The following POLN variants were observed in gnomAD, a reference collection of about 807,000 sequenced individuals.
The protein encoded by POLN is DNA polymerase nu, also known as DNA polymerase N.
Under a neutral mutation model 113.5 loss-of-function variants are expected in POLN, and 108 were observed. The ratio of observed to expected loss-of-function variants is 0.95; its 90% CI spans 0.81 to 1.12. POLN has a LOEUF of 1.12. Ranked by LOEUF, POLN falls within the 50% of genes most tolerant of loss-of-function variation. The probability of loss-of-function intolerance (pLI) is 0.00; values close to 1 mark genes in which losing one functional copy is unlikely to be tolerated. For missense variants in POLN, 1,097 were observed against 1,077.1 expected, an observed-to-expected ratio of 1.02 and a Z score of -0.26; for synonymous variants, 386 against 391.5, an observed-to-expected ratio of 0.99 and a Z score of 0.17.
intron 2 of POLN, among the ~76,000 whole-genome samples, chr4:2,239,356 T>C (rs1188088994): frequency 6.6e-6 from 1 of 152,194 alleles, no homozygotes; most frequent in Non-Finnish European, 1.5e-5. Context: ...AAGTATATGT[T>C]ACTAGTTTTT....
At chr4:2,098,561 C>T (rs147687909) in intron 19 of POLN, among the ~76,000 whole-genome samples, 305 of 152,234 alleles carry the variant, frequency 2.0e-3, no homozygotes, top group Middle Eastern at 6.8e-3. Context: ...CTAGAATGAT[C>T]CATGGGTAAT....
At chr4:2,160,562 C>A (rs1302251177) in intron 13 of POLN, among the ~76,000 whole-genome samples, 1 of 152,074 alleles carries the variant, frequency 6.6e-6, no homozygotes, top group Non-Finnish European at 1.5e-5. Context: ...TGCACACAAC[C>A]ATGTCTGGCT....
chr4:2,177,282 C>T, intron 8 of POLN: 3 of 482,944 alleles, frequency 6.2e-6, no homozygotes, highest in Admixed American at 2.1e-5. Context: ...TGGCTCCCCA[C>T]AGCCATGCCT....
At chr4:2,176,113 A>G (rs2108749442) in intron 9 of POLN, among the ~76,000 whole-genome samples, 153 bp downstream of exon 9, 1 of 152,316 alleles carries the variant, frequency 6.6e-6, no homozygotes, top group South Asian at 2.1e-4. Context: ...ATCATTCTAG[A>G]CAACCCTTTT....
At chr4:2,117,781 T>G (rs1731352799) in intron 19 of POLN, among the ~76,000 whole-genome samples, 1 of 152,216 alleles carries the variant, frequency 6.6e-6, no homozygotes, top group South Asian at 2.1e-4. Flanking sequence ...CCTAGTCCAT[T>G]GTTCTCCATG....
chr4:2,081,224 T>C (rs1211571665), intron 22 of POLN, 188 bp from the exon 23 acceptor site: 3 of 1,535,692 alleles, frequency 2.0e-6, no homozygotes, highest in Non-Finnish European at 2.6e-6. Flanking sequence ...GCCCTCTTGC[T>C]CCTGCAGGGC....
chr4:2,108,143 C>T (rs1040738353), intron 19 of POLN, among the ~76,000 whole-genome samples: 11 of 152,260 alleles, frequency 7.2e-5, no homozygotes, highest in East Asian at 1.9e-4. Flanking sequence ...CTTCTCTTTC[C>T]GGCCAGGGCT....
At chr4:2,147,639 T>TTTTC (rs869212936) in intron 16 of POLN, among the ~76,000 whole-genome samples, 1 of 116,440 alleles carries the variant, frequency 8.6e-6, no homozygotes, top group African/African-American at 3.1e-5. Context: ...CCAGTTTTTC[T>TTTTC]TTTCTTTTTT....
Position 2,126,880 on chromosome 4 carries a change from G to A in POLN, c.1982+1233C>T, listed in dbSNP as rs562573597. ...TGGGTGGCAACCAGGCCAGAGAGCAGCCAGAGCCCTCGCAGGTCCCCCGCC... is the reference window on the plus strand; with the variant it reads ...TGGGTGGCAACCAGGCCAGAGAGCAACCAGAGCCCTCGCAGGTCCCCCGCC... On this transcript the variant is annotated intron_variant, in intron 19 of 25. Transcript: ENST00000511885. This position sits in a 1 kb window ranked among gnomAD's most constrained non-coding sequence, Gnocchi z 4.6. 8.5e-5 allele frequency among the ~76,000 whole-genome samples: 13 copies of A among 152,326 alleles called. No homozygotes were observed. The East Asian group carries it at 2.5e-3, about 29-fold the overall frequency.
rs73796701 is a variant in POLN at position 2,073,471 on chromosome 4, C to T, written c.2456-442G>A. On this transcript the variant is annotated intron_variant, in intron 24 of 25. Coordinates refer to ENST00000511885, the MANE Select transcript of POLN (RefSeq NM_181808.4). ...AGGGAGCCCCCACCAGCCAGAGCCACCAGGCACACAAGAACCCCCCATCCC... is the reference window on the plus strand; with the variant it reads ...AGGGAGCCCCCACCAGCCAGAGCCATCAGGCACACAAGAACCCCCCATCCC... Among the ~76,000 whole-genome samples, 536 of 152,348 alleles carry T rather than the reference C, an allele frequency of 3.5e-3. 1 individual carries two copies. The highest frequency in any genetic ancestry group is 0.012 in the African/African-American group (512 of 41,584).
intron 16 of POLN, among the ~76,000 whole-genome samples, chr4:2,134,312 C>T (rs912099490): frequency 7.2e-5 from 11 of 152,070 alleles, no homozygotes; most frequent in African/African-American, 2.7e-4. Context: ...AATAAAGATG[C>T]CATAAGCATT....
At chr4:2,113,851 C>A (rs1332230951) in intron 19 of POLN, among the ~76,000 whole-genome samples, 3 of 145,372 alleles carry the variant, frequency 2.1e-5, no homozygotes, top group African/African-American at 7.6e-5. Flanking sequence ...GAGCAAGACT[C>A]CATTTCAAAA....
chr4:2,073,049 G>C lies in POLN; in HGVS notation c.2456-20C>G, dbSNP rs200708911. On this transcript the variant is annotated intron_variant, in intron 24 of 25. Coordinates refer to ENST00000511885, the MANE Select transcript of POLN (RefSeq NM_181808.4). ...CGAGAGCTAGAGTGCGGAAGAGAGA[G>C]GAGGCCCTGCTGGTCTCTTGGCCTT... The C allele has an allele frequency of 9.3e-4, 1,494 of 1,612,090 alleles. 9 individuals are homozygous for C. The highest frequency in any genetic ancestry group is 4.0e-3 in the Middle Eastern group (24 of 6,054).
At chr4:2,228,017 T>C (rs1334089646) in intron 3 of POLN, 1 of 152,402 alleles carries the variant, frequency 6.6e-6, no homozygotes, top group Non-Finnish European at 1.5e-5. Context: ...AAGCAACAGA[T>C]GCCTCAATAT....
chr4:2,072,350 G>A (rs1175771647), intron 25 of POLN, 51 bp from the exon 26 acceptor site: 1 of 1,450,340 alleles, frequency 6.9e-7, no homozygotes, highest in Admixed American at 2.8e-5. Flanking sequence ...GCCACCCCCA[G>A]CCACCTCCCA....
chr4:2,133,238 A>G (rs1731771797), intron 16 of POLN, among the ~76,000 whole-genome samples: 1 of 152,166 alleles, frequency 6.6e-6, no homozygotes, highest in Non-Finnish European at 1.5e-5. Context: ...TAGTGCAGCC[A>G]CTATGGAAAA....
At chr4:2,213,855 T>A (rs1348068939) in intron 3 of POLN, among the ~76,000 whole-genome samples, 1 of 152,198 alleles carries the variant, frequency 6.6e-6, no homozygotes, top group Non-Finnish European at 1.5e-5. Context: ...AATGTTTAAT[T>A]CTTCTAAATT....
At position 2,095,887 on chromosome 4, in the gene POLN, T is replaced by C; in HGVS notation, c.2029A>G (p.Thr677Ala). ...EQVTHADREQ[T>A]KKVVYAVVYG... ...ACCACCGCGTACACCACCTTCTTGGTTTGCTCTCTGTCTGCGTGTGTCACC... is the reference window on the plus strand; with the variant it reads ...ACCACCGCGTACACCACCTTCTTGGCTTGCTCTCTGTCTGCGTGTGTCACC... The change falls in exon 20 of 26, where the codon ACC becomes GCC. Residue 677 changes from threonine (T) to alanine (A), a missense_variant. Thr to Ala is a moderately conservative substitution (Grantham distance 58). Transcript: ENST00000511885. 1 of 1,614,154 alleles carries C rather than the reference T, an allele frequency of 6.2e-7. No individual in the cohort carries two copies. Among genetic ancestry groups the C allele is most frequent in the Non-Finnish European group, 8.5e-7 (1 of 1,180,028 alleles).
At chr4:2,088,694 C>G (rs1453432119) in intron 20 of POLN, 15 of 925,930 alleles carry the variant, frequency 1.6e-5, no homozygotes, top group Non-Finnish European at 2.2e-5. Context: ...CAACAGCCAT[C>G]AAGTTTTCTT....
Sources: gnomAD v4.1 joint callset for allele counts (sites outside exome capture counted in the v4.1 genomes callset) on GRCh38, gnomAD v4.1.1 for gene constraint, Gnocchi (gnomAD v3.1) non-coding constraint, MANE v1.5 for transcripts, NCBI Gene and HGNC (gene_info 2026-07-23, HGNC 2026-07-21) for gene names.